The following NRG3 variants were observed in gnomAD, a reference collection of about 807,000 sequenced individuals.
NRG3 encodes the protein neuregulin 3.
NRG3 carries 31 observed loss-of-function variants against 66.9 expected under a neutral mutation model. The ratio of observed to expected loss-of-function variants is 0.46; its 90% confidence interval spans 0.35 to 0.63. The LOEUF (loss-of-function observed/expected upper bound fraction) is 0.63. Ranked by LOEUF, NRG3 falls within the 20% of genes least tolerant of loss-of-function variation. The probability of loss-of-function intolerance (pLI) is 0.00; values close to 1 mark genes in which losing one functional copy is unlikely to be tolerated. For missense variants in NRG3, 910 were observed against 878.9 expected (o/e 1.04, Z -0.45); for synonymous variants, 393 against 359.4 (o/e 1.09, Z -1.06).
intron 2 of NRG3, among the ~76,000 whole-genome samples, chr10:82,635,128 A>C (rs1174603061): frequency 6.6e-6 from 1 of 152,202 alleles, no homozygotes; most frequent in African/African-American, 2.4e-5. Context: ...ATCAAACTAC[A>C]AGCAATTCTT....
intron 2 of NRG3, among the ~76,000 whole-genome samples, chr10:82,455,546 A>C (rs1242572781): frequency 6.6e-6 from 1 of 152,034 alleles, no homozygotes; most frequent in Non-Finnish European, 1.5e-5. Flanking sequence ...TGATGAGTGA[A>C]TGTGAAGGCC....
intron 6 of NRG3, among the ~76,000 whole-genome samples, chr10:82,970,729 T>A (rs1223928904): frequency 6.6e-6 from 1 of 152,196 alleles, no homozygotes; most frequent in African/African-American, 2.4e-5. Flanking sequence ...GTAAATCAAA[T>A]TTTACATATT....
chr10:82,881,326 A>G (rs1842278882), intron 4 of NRG3, among the ~76,000 whole-genome samples: 1 of 152,262 alleles, frequency 6.6e-6, no homozygotes, highest in Non-Finnish European at 1.5e-5. Flanking sequence ...GGAAGAAAGT[A>G]GCATTTAACT....
intron 1 of NRG3, among the ~76,000 whole-genome samples, chr10:82,345,604 G>T (rs1210980409): frequency 6.6e-6 from 1 of 151,334 alleles, no homozygotes; most frequent in African/African-American, 2.4e-5. Context: ...TGTGAAGAAA[G>T]TCATTGGTAG....
intron 3 of NRG3, among the ~76,000 whole-genome samples, chr10:82,752,225 A>G (rs2058894538): frequency 6.6e-6 from 1 of 152,112 alleles, no homozygotes; most frequent in African/African-American, 2.4e-5. Flanking sequence ...ATTGAATTTA[A>G]TTTTTAGGAT....
chr10:82,340,734 C>T (rs2082642301), intron 1 of NRG3: 1 of 152,090 alleles, frequency 6.6e-6, no homozygotes, highest in Admixed American at 6.6e-5. Flanking sequence ...CTACTTTGCA[C>T]AGTATTTTAG....
At chr10:82,816,201 G>A (rs2061696666) in intron 3 of NRG3, among the ~76,000 whole-genome samples, 1 of 152,210 alleles carries the variant, frequency 6.6e-6, no homozygotes, top group South Asian at 2.1e-4. Context: ...TTTCAGCCAT[G>A]TTTTTTGTTA....
chr10:82,063,040 A>T (rs1028275553), intron 1 of NRG3, among the ~76,000 whole-genome samples: 3 of 152,176 alleles, frequency 2.0e-5, no homozygotes, highest in African/African-American at 7.2e-5. Flanking sequence ...ACCTCAGCCA[A>T]GGACTTGAGT....
At chr10:82,245,979 T>C (rs76360535) in intron 1 of NRG3, among the ~76,000 whole-genome samples, 4 of 55,138 alleles carry the variant, frequency 7.3e-5, no homozygotes, top group Non-Finnish European at 3.0e-5. Context: ...AGTCTTCTGG[T>C]TTTTTTTTTT....
chr10:82,282,808 C>T (rs2079197968), intron 1 of NRG3, among the ~76,000 whole-genome samples: 1 of 152,002 alleles, frequency 6.6e-6, no homozygotes, highest in Non-Finnish European at 1.5e-5. Context: ...TCCACTAGCA[C>T]CTCCACAAAA....
At chr10:82,086,122 A>G (rs1654533965) in intron 1 of NRG3, among the ~76,000 whole-genome samples, 2 of 152,130 alleles carry the variant, frequency 1.3e-5, no homozygotes, top group Admixed American at 1.3e-4. Flanking sequence ...ATCACAAAAA[A>G]AAATCTAACC....
chr10:82,767,641 T>G (rs779638815), intron 3 of NRG3, among the ~76,000 whole-genome samples: 2 of 152,090 alleles, frequency 1.3e-5, no homozygotes, highest in Non-Finnish European at 2.9e-5. Flanking sequence ...TTATCTTACC[T>G]TTTCCCAGTC....
At chr10:82,686,177 CTT>C (rs59238821) in intron 2 of NRG3, among the ~76,000 whole-genome samples, 97 of 147,554 alleles carry the variant, frequency 6.6e-4, no homozygotes, top group Middle Eastern at 6.9e-3. Context: ...GCTATGCTTT[CTT>C]TTTTTTTTTT....
At chr10:82,042,486 A>G (rs2133029814) in intron 1 of NRG3, among the ~76,000 whole-genome samples, 1 of 152,196 alleles carries the variant, frequency 6.6e-6, no homozygotes, top group Non-Finnish European at 1.5e-5. Flanking sequence ...AAAACTGCAA[A>G]CAGTAATTGT....
intron 2 of NRG3, among the ~76,000 whole-genome samples, chr10:82,689,787 G>A (rs2054785626): frequency 1.3e-5 from 2 of 152,176 alleles, no homozygotes; most frequent in Admixed American, 6.5e-5. Flanking sequence ...TACAATGAAT[G>A]AAGAAAGGAG....
At chr10:82,399,678 C>T (rs2086950545) in intron 2 of NRG3, among the ~76,000 whole-genome samples, 1 of 152,150 alleles carries the variant, frequency 6.6e-6, no homozygotes, top group Admixed American at 6.6e-5. Context: ...AGGGGGTTTA[C>T]CCACAAAAGC....
intron 4 of NRG3, among the ~76,000 whole-genome samples, chr10:82,931,258 A>G (rs1315097086): frequency 2.6e-5 from 4 of 152,230 alleles, no homozygotes; most frequent in Non-Finnish European, 5.9e-5. Flanking sequence ...TTATTTACAT[A>G]TTCATCCATC....
chr10:81,876,243 C>T, intron 1 of NRG3, 80 bp downstream of exon 1: 1 of 1,485,042 alleles, frequency 6.7e-7, no homozygotes, highest in Admixed American at 2.2e-5. Flanking sequence ...CCCTCGCCGC[C>T]TGTTTTCTAG....
intron 1 of NRG3, among the ~76,000 whole-genome samples, chr10:82,083,056 A>G (rs2065485015): frequency 6.6e-6 from 1 of 151,692 alleles, no homozygotes; most frequent in South Asian, 2.1e-4. Flanking sequence ...TCCTCCCTCC[A>G]TAGCCTCCCA....
Sources: allele counts gnomAD v4.1 joint callset (sites outside exome capture counted in the v4.1 genomes callset), GRCh38; gene constraint gnomAD v4.1.1; transcripts MANE v1.5; gene names NCBI Gene and HGNC (gene_info 2026-07-23, HGNC 2026-07-21).